The following LY75 variants were observed in gnomAD, a reference collection of about 807,000 sequenced individuals.
LY75 encodes the protein lymphocyte antigen 75.
A neutral mutation model predicts 231.7 loss-of-function variants in LY75; 185 were observed. That is an observed-to-expected ratio of 0.80 (90% CI 0.71 to 0.90). The LOEUF is 0.90. Ranked by LOEUF, LY75 falls within the 40% of genes least tolerant of loss-of-function variation. The pLI, the probability that LY75 is intolerant of heterozygous loss-of-function variation, is 0.00. For synonymous variants in LY75, 668 were observed against 689.0 expected (o/e 0.97, Z 0.48); for missense variants, 1,947 against 2,050.2 (o/e 0.95, Z 0.97).
chr2:159,843,860 T>G (rs1369288953), intron 23 of LY75, among the ~76,000 whole-genome samples: 2 of 152,174 alleles, frequency 1.3e-5, no homozygotes, highest in African/African-American at 2.4e-5. Context: ...GTAATTACCC[T>G]GATCAGATTG....
At chr2:159,823,489 T>A (rs552050245) in intron 28 of LY75, among the ~76,000 whole-genome samples, 2 of 152,184 alleles carry the variant, frequency 1.3e-5, no homozygotes, top group South Asian at 4.2e-4. Context: ...TACCTGAAAG[T>A]GATGAGGAGA....
chr2:159,807,131 C>T lies in LY75; in HGVS notation c.4832G>A (p.Trp1611Ter), dbSNP rs528543252. ...CACTTCTGATCCATCTAACCAACTC[C>T]AAGACTGGTCTGAAGAAAGAAATTA... ...GLSQHSVDQS[W>*]SWLDGSEVTF... is the part of the protein sequence containing the mutation. Residue 1611 changes from tryptophan (W) to a stop codon, truncating the protein, a stop_gained, in exon 34 of 35, where the codon TGG becomes TAG. Transcript: ENST00000263636. LOFTEE classifies it high-confidence loss of function. The T allele has an allele frequency of 2.5e-6, 4 of 1,610,576 alleles. No individual in the cohort carries two copies. The South Asian group carries it at 3.3e-5, about 13-fold the overall frequency.
intron 15 of LY75, among the ~76,000 whole-genome samples, chr2:159,860,089 C>T (rs931322297): frequency 6.6e-6 from 1 of 152,186 alleles, no homozygotes; most frequent in African/African-American, 2.4e-5. Context: ...TGTTCTATCA[C>T]CCAGTGCCTC....
chr2:159,875,437 ACTTTAC>A lies in LY75; in HGVS notation c.1974+1_1974+6del, dbSNP rs755291791. 1.2e-6 allele frequency: 2 copies of A among 1,611,850 alleles called. No homozygotes were observed. Among genetic ancestry groups the A allele is most frequent in the Non-Finnish European group, 1.7e-6 (2 of 1,179,142 alleles). On this transcript the variant is annotated splice_donor_variant and splice_donor_5th_base_variant and intron_variant, in intron 12 of 34. Transcript: ENST00000263636. LOFTEE classifies it high-confidence loss of function. ...CATTGAAGGATAGAATGAGAATGTC[ACTTTAC>A]CTTATAACAAGAAAGACTTGCGGGG...
At chr2:159,819,682 C>A (rs1683227224) in intron 29 of LY75, 44 bp downstream of exon 29, 1 of 1,552,492 alleles carries the variant, frequency 6.4e-7, no homozygotes, top group African/African-American at 1.4e-5. Flanking sequence ...GCCTTATATT[C>A]TTTCCCTGGA....
At chr2:159,889,562 T>G (rs1359716818) in intron 4 of LY75, among the ~76,000 whole-genome samples, 2 of 152,166 alleles carry the variant, frequency 1.3e-5, no homozygotes, top group African/African-American at 4.8e-5. Flanking sequence ...TTCAATACAA[T>G]TCCAATCAAA....
At position 159,885,195 on chromosome 2, in the gene LY75, A is replaced by G. The variant is rs748098727; in HGVS notation, c.1012T>C (p.Tyr338His). Residue 338 changes from tyrosine (Y) to histidine (H), a missense_variant, in exon 6 of 35, where the codon TAT becomes CAT. Tyr to His is a moderately conservative substitution (Grantham distance 83). Coordinates refer to ENST00000263636, the MANE Select transcript of LY75 (RefSeq NM_002349.4). ...TTATTTAATGGTTTCCTGCAGACATAGGGCAGTTGAGCTTCACAGGAAAAG... is the reference window on the plus strand; with the variant it reads ...TTATTTAATGGTTTCCTGCAGACATGGGGCAGTTGAGCTTCACAGGAAAAG... Reference protein sequence around the residue: ...QSFSCEAQLPYVCRKPLNNTV... With the variant: ...QSFSCEAQLPHVCRKPLNNTV... 4.3e-6 allele frequency: 7 copies of G among 1,613,634 alleles called. No homozygotes were observed. The highest frequency in any genetic ancestry group is 5.9e-6 in the Non-Finnish European group (7 of 1,179,682).
intron 26 of LY75, among the ~76,000 whole-genome samples, chr2:159,834,694 T>C (rs535855575): frequency 6.6e-6 from 1 of 152,390 alleles, no homozygotes; most frequent in African/African-American, 2.4e-5. Flanking sequence ...ATATTTAAAA[T>C]CTGACATCTA....
At chr2:159,881,293 A>G (rs1685428680) in intron 7 of LY75, 53 bp from the exon 8 acceptor site, 1 of 1,552,250 alleles carries the variant, frequency 6.4e-7, no homozygotes, top group African/African-American at 1.4e-5. Context: ...ATACTGTAAT[A>G]TGTACATTGT....
intron 28 of LY75, among the ~76,000 whole-genome samples, chr2:159,822,848 C>G (rs551008316): frequency 8.5e-5 from 13 of 152,226 alleles, no homozygotes; most frequent in African/African-American, 3.1e-4. Flanking sequence ...AGACATCCAG[C>G]AAACTCCAGC....
At chr2:159,808,666 C>T in intron 32 of LY75, 95 bp from the exon 33 acceptor site, 3 of 1,486,420 alleles carry the variant, frequency 2.0e-6, no homozygotes, top group South Asian at 2.6e-5. Context: ...ATATTATTAA[C>T]AAGATCATTG....
In LY75 at chr2:159,898,725, T is replaced by G. The variant is rs1345588981; in HGVS notation, c.429A>C (p.Gly143=). 2 of 1,613,966 alleles carry G rather than the reference T, an allele frequency of 1.2e-6. No individual in the cohort carries two copies. The highest frequency in any genetic ancestry group is 3.3e-5 in the Admixed American group (2 of 60,006). The change falls in exon 2 of 35, where the codon GGA becomes GGC. Residue 143 remains glycine (G), a synonymous_variant. Coordinates refer to ENST00000263636, the MANE Select transcript of LY75 (RefSeq NM_002349.4). ...ISNASDVWKK[G]GSEESLCDQP... is the part of the protein sequence containing the mutation. ...GGTCACAAAGGCTTTCCTCTGAGCC[T>G]CCTTTCTTCCAGACATCAGATGCAT...
chr2:159,805,184 G>T lies in LY75; in HGVS notation c.5029C>A (p.Leu1677Ile), dbSNP rs1682755592. 1 of 1,614,044 alleles carries T rather than the reference G, an allele frequency of 6.2e-7. No homozygotes were observed. The highest frequency in any genetic ancestry group is 1.3e-5 in the African/African-American group (1 of 74,930). The change falls in exon 35 of 35, where the codon CTA becomes ATA. Residue 1677 changes from leucine (L) to isoleucine (I), a missense_variant. By Grantham distance (5) the Leu-to-Ile change is conservative. Transcript: ENST00000263636. Reference protein sequence around the residue: ...YTAIAIIVATLSILVLMGGLI... With the variant: ...YTAIAIIVATISILVLMGGLI... The stretch of plus-strand genomic sequence containing the variant: ...CCGCCCATGAGAACTAAGATACTTA[G>T]TGTGGCAACTATGATAGCTATTGCT...
chr2:159,881,310 A>C (rs1458562652), intron 7 of LY75, 70 bp from the exon 8 acceptor site: 12 of 1,476,000 alleles, frequency 8.1e-6, no homozygotes, highest in South Asian at 1.4e-5. Context: ...TTGTTATACA[A>C]ATTTTTATAT....
At position 159,835,843 on chromosome 2, in the gene LY75, G is replaced by A. The variant is rs1003874842; in HGVS notation, c.3508-198C>T. On this transcript the variant is annotated intron_variant, in intron 25 of 34. Coordinates refer to ENST00000263636, the MANE Select transcript of LY75 (RefSeq NM_002349.4). ...ACTTAATCCTTGTAACAACCATATA[G>A]GAGAGGTACTATTATTATCTCCATT... 5.3e-5 allele frequency among the ~76,000 whole-genome samples: 8 copies of A among 152,072 alleles called. No individual in the cohort carries two copies. The South Asian group carries it at 1.7e-3, about 32-fold the overall frequency.
At chr2:159,892,443 G>C (rs1685787495) in intron 3 of LY75, among the ~76,000 whole-genome samples, 1 of 152,152 alleles carries the variant, frequency 6.6e-6, no homozygotes, top group Admixed American at 6.6e-5. Flanking sequence ...GTGCCTCACT[G>C]TGATCATCTG....
chr2:159,875,714 T>C (rs759564869), intron 11 of LY75, 71 bp from the exon 12 acceptor site: 38 of 1,564,546 alleles, frequency 2.4e-5, no homozygotes, highest in Middle Eastern at 2.1e-4. Context: ...GTGTTTCTAC[T>C]CTTTACTTCA....
At chr2:159,899,489 A>C (rs1197212084) in intron 1 of LY75, among the ~76,000 whole-genome samples, 1 of 152,180 alleles carries the variant, frequency 6.6e-6, no homozygotes, top group Non-Finnish European at 1.5e-5. Context: ...TTTTCATCTC[A>C]ATGAAAAGTC....
chr2:159,890,582 A>T (rs1039946477), intron 3 of LY75, among the ~76,000 whole-genome samples: 1 of 151,902 alleles, frequency 6.6e-6, no homozygotes, highest in African/African-American at 2.4e-5. Flanking sequence ...TGAAGCTTCC[A>T]CTCTTTCTTA....
Sources: gnomAD v4.1 joint callset for allele counts (sites outside exome capture counted in the v4.1 genomes callset) on GRCh38, gnomAD v4.1.1 for gene constraint, MANE v1.5 for transcripts, NCBI Gene and HGNC (gene_info 2026-07-23, HGNC 2026-07-21) for gene names.